Variants in CNBD1 observed in about 807,000 individuals in gnomAD.
The protein encoded by CNBD1 is cyclic nucleotide binding domain containing 1.
CNBD1 carries 71 observed loss-of-function variants against 54.4 expected under a neutral mutation model. The observed-to-expected ratio is 1.30, with a 90% CI of 1.08 to 1.59. The LOEUF is 1.59. CNBD1 is among the 40% of genes most tolerant of loss of function. The pLI is 0.00. For missense variants in CNBD1, 659 were observed against 518.0 expected (o/e 1.27, Z -2.64); for synonymous variants, 182 against 170.7 (o/e 1.07, Z -0.51).
chr8:87,333,673 A>G (rs771685386), intron 8 of CNBD1, among the ~76,000 whole-genome samples: 1 of 152,038 alleles, frequency 6.6e-6, no homozygotes, highest in Non-Finnish European at 1.5e-5. Flanking sequence ...GTGATGGATT[A>G]TGTTTATTGA....
chr8:86,870,206 T>TTTTTTTTTTTTTTTTTTG (rs1808423447), intron 1 of CNBD1, among the ~76,000 whole-genome samples: 2 of 148,368 alleles, frequency 1.3e-5, no homozygotes, highest in African/African-American at 5.0e-5. Context: ...TTTTTTTTTC[T>TTTTTTTTTTTTTTTTTTG]GAGACGGAAT....
At chr8:87,103,614 A>G (rs992919943) in intron 4 of CNBD1, among the ~76,000 whole-genome samples, 1 of 152,126 alleles carries the variant, frequency 6.6e-6, no homozygotes, top group African/African-American at 2.4e-5. Flanking sequence ...AGTTGGGGAA[A>G]AGCCCCTTAC....
intron 6 of CNBD1, among the ~76,000 whole-genome samples, chr8:87,273,962 T>G (rs1168643061): frequency 7.5e-6 from 1 of 132,564 alleles, no homozygotes; most frequent in African/African-American, 2.9e-5. Context: ...GATGTTCCCC[T>G]TCCTGTGTCC....
chr8:87,155,073 CAATTTTCCTCTTTTGGGATT>C, intron 4 of CNBD1, among the ~76,000 whole-genome samples: 1 of 152,246 alleles, frequency 6.6e-6, no homozygotes, highest in South Asian at 2.1e-4. Context: ...TCTGGGAGGG[CAATTTTCCTCTTTTGGGATT>C]CAATATTAAG....
At chr8:87,335,798 G>A (rs1182470150) in intron 8 of CNBD1, among the ~76,000 whole-genome samples, 3 of 152,108 alleles carry the variant, frequency 2.0e-5, no homozygotes, top group Non-Finnish European at 4.4e-5. Context: ...TCTTCATAGT[G>A]TCACTGGTCT....
chr8:87,263,877 AAT>A, intron 6 of CNBD1, among the ~76,000 whole-genome samples: 1 of 152,296 alleles, frequency 6.6e-6, no homozygotes, highest in African/African-American at 2.4e-5. Context: ...TTAAAAATCT[AAT>A]ACTATAATTT....
intron 5 of CNBD1, among the ~76,000 whole-genome samples, chr8:87,219,994 C>T (rs565959965): frequency 6.6e-6 from 1 of 151,794 alleles, no homozygotes; most frequent in Non-Finnish European, 1.5e-5. Context: ...ATCATAAATT[C>T]CTATAAACTT....
intron 4 of CNBD1, among the ~76,000 whole-genome samples, chr8:87,186,047 T>G (rs2130781784): frequency 6.6e-6 from 1 of 152,258 alleles, no homozygotes; most frequent in African/African-American, 2.4e-5. Context: ...TGCAAAACAA[T>G]TATTTTGCAT....
At chr8:87,300,047 T>G (rs1439257290) in intron 8 of CNBD1, among the ~76,000 whole-genome samples, 2 of 152,192 alleles carry the variant, frequency 1.3e-5, no homozygotes, top group Non-Finnish European at 2.9e-5. Flanking sequence ...CTTAGCCCAT[T>G]GGACACTTGG....
At chr8:87,350,575 C>G (rs985006239) in intron 8 of CNBD1, among the ~76,000 whole-genome samples, 9 of 151,690 alleles carry the variant, frequency 5.9e-5, no homozygotes, top group Admixed American at 5.9e-4. Context: ...ATTTTGGTAA[C>G]ATCAATAATT....
chr8:87,375,025 G>A (rs574401536), intron 10 of CNBD1, among the ~76,000 whole-genome samples: 7 of 150,736 alleles, frequency 4.6e-5, no homozygotes, highest in Non-Finnish European at 5.9e-5. Flanking sequence ...TGCTTTTTGT[G>A]ATTATTCTTT....
intron 2 of CNBD1, among the ~76,000 whole-genome samples, chr8:87,414,743 C>G (rs1760745395): frequency 6.6e-6 from 1 of 151,754 alleles, no homozygotes; most frequent in African/African-American, 2.4e-5. Context: ...TTCAAAATTA[C>G]TGGTGTGACT....
At chr8:86,890,228 C>A (rs1478131339) in intron 2 of CNBD1, among the ~76,000 whole-genome samples, 2 of 151,974 alleles carry the variant, frequency 1.3e-5, no homozygotes, top group African/African-American at 4.8e-5. Flanking sequence ...TATACCCTTT[C>A]GTCAACATCT....
At chr8:87,017,321 C>A (rs1053053183) in intron 4 of CNBD1, among the ~76,000 whole-genome samples, 1 of 152,116 alleles carries the variant, frequency 6.6e-6, no homozygotes, top group Non-Finnish European at 1.5e-5. Flanking sequence ...TACTATAAAA[C>A]CAAAGACATG....
intron 4 of CNBD1, among the ~76,000 whole-genome samples, chr8:87,167,558 A>AT (rs1031560274): frequency 6.6e-5 from 10 of 151,272 alleles, no homozygotes; most frequent in Non-Finnish European, 1.2e-4. Context: ...ATGACACTGC[A>AT]TTTTTTTTCA....
At chr8:87,108,710 A>G (rs529253010) in intron 4 of CNBD1, among the ~76,000 whole-genome samples, 14 of 152,284 alleles carry the variant, frequency 9.2e-5, no homozygotes, top group East Asian at 5.8e-4. Flanking sequence ...ATCTTACTTT[A>G]CATATCTGGA....
chr8:86,939,755 G>A lies in CNBD1; in HGVS notation c.431+1G>A. ...AATTCCTAGCTATCTTAAAGAAATT[G>A]TAAGTATTTAAAATATATTCCTTCT... On this transcript the variant is annotated splice_donor_variant, in intron 4 of 10. Coordinates refer to ENST00000518476, the MANE Select transcript of CNBD1 (RefSeq NM_173538.3). LOFTEE classifies it high-confidence loss of function. 1.3e-6 allele frequency: 2 copies of A among 1,510,006 alleles called. No homozygotes were observed. The highest frequency in any genetic ancestry group is 1.8e-6 in the Non-Finnish European group (2 of 1,111,952). The allele number at this position is 1,510,006 out of a possible 1,614,324, so 93.5% of individuals were successfully genotyped here. A position where few individuals can be genotyped will look rare whatever the true frequency, so the allele number is the denominator to read the frequency against.
chr8:87,370,298 G>T (rs968999496), intron 10 of CNBD1, among the ~76,000 whole-genome samples: 8 of 152,070 alleles, frequency 5.3e-5, no homozygotes, highest in Non-Finnish European at 8.8e-5. Flanking sequence ...CTGAGGAATC[G>T]CCACACTGAC....
At chr8:87,350,930 G>A (rs1259052830) in intron 8 of CNBD1, among the ~76,000 whole-genome samples, 6 of 152,072 alleles carry the variant, frequency 3.9e-5, no homozygotes, top group Non-Finnish European at 4.4e-5. Flanking sequence ...ACCTTCAAAT[G>A]TATCTTGGCC....
Sources: allele counts gnomAD v4.1 joint callset (sites outside exome capture counted in the v4.1 genomes callset), GRCh38; gene constraint gnomAD v4.1.1; transcripts MANE v1.5; gene names NCBI Gene and HGNC (gene_info 2026-07-23, HGNC 2026-07-21).